The following CCDC102B variants were observed in gnomAD, a reference collection of about 807,000 sequenced individuals.
The protein encoded by CCDC102B is coiled-coil domain containing 102B, also known as coiled-coil domain-containing protein 102B.
CCDC102B carries 75 observed loss-of-function variants against 57.4 expected under a neutral mutation model. That is an observed-to-expected ratio of 1.31 (90% CI 1.08 to 1.58). The LOEUF (loss-of-function observed/expected upper bound fraction) is 1.58, where lower values mean the gene tolerates loss of function less well. CCDC102B is among the 40% of genes most tolerant of loss of function. The probability of loss-of-function intolerance (pLI) is 0.00; values close to 1 mark genes in which losing one functional copy is unlikely to be tolerated. For missense variants in CCDC102B, 636 were observed against 582.6 expected, an observed-to-expected ratio of 1.09 and a Z score of -0.94; for synonymous variants, 206 against 201.9, an observed-to-expected ratio of 1.02 and a Z score of -0.17.
intron 1 of CCDC102B, among the ~76,000 whole-genome samples, chr18:68,817,299 C>CT (rs1218159013): frequency 6.6e-6 from 1 of 152,132 alleles, no homozygotes; most frequent in Non-Finnish European, 1.5e-5. Context: ...ACTTGGGAGT[C>CT]TGAGGAAAGA....
At chr18:68,982,204 T>C (rs1401942613) in intron 6 of CCDC102B, among the ~76,000 whole-genome samples, 4 of 151,834 alleles carry the variant, frequency 2.6e-5, no homozygotes, top group African/African-American at 7.3e-5. Flanking sequence ...TTCAAAACTT[T>C]CAAAAGTTTT....
chr18:68,978,741 G>T (rs186781921), intron 6 of CCDC102B, among the ~76,000 whole-genome samples: 1 of 152,002 alleles, frequency 6.6e-6, no homozygotes, highest in Non-Finnish European at 1.5e-5. Context: ...TGGCAGGAAA[G>T]TCATTATTCA....
At chr18:68,915,029 T>A (rs569384392) in intron 6 of CCDC102B, among the ~76,000 whole-genome samples, 3 of 152,042 alleles carry the variant, frequency 2.0e-5, no homozygotes, top group East Asian at 3.9e-4. Flanking sequence ...GAAACGTGAA[T>A]GAGGGCAGCG....
rs115007719 is a variant in CCDC102B, at chr18:68,943,231, A to G, written c.1263+45803A>G. 7.8e-3 allele frequency among the ~76,000 whole-genome samples: 1,189 copies of G among 152,138 alleles called. 17 individuals are homozygous for G. The highest frequency in any genetic ancestry group is 0.027 in the African/African-American group (1,136 of 41,532). On this transcript the variant is annotated intron_variant, in intron 6 of 7. Transcript: ENST00000360242. ...TAACAGTCTGATCTCTCTTTTCCCC[A>G]CAAAAGAGAGAGATTACTGTTTATT... is the stretch of plus-strand genomic sequence containing the variant.
chr18:68,792,272 T>C (rs1251701391), intron 2 of CCDC102B, among the ~76,000 whole-genome samples: 3 of 152,284 alleles, frequency 2.0e-5, no homozygotes, highest in Admixed American at 2.0e-4. Flanking sequence ...TGTTCTAAAA[T>C]TTTCAGTCTC....
chr18:68,779,882 A>C (rs1201437712), intron 2 of CCDC102B, among the ~76,000 whole-genome samples: 1 of 152,082 alleles, frequency 6.6e-6, no homozygotes, highest in East Asian at 1.9e-4. Context: ...CCACCCATTT[A>C]AAATGTACAG....
chr18:68,774,793 CTTCTA>C (rs2034754273), intron 2 of CCDC102B, among the ~76,000 whole-genome samples: 2 of 151,730 alleles, frequency 1.3e-5, no homozygotes, highest in Non-Finnish European at 2.9e-5. Flanking sequence ...CAAAATTTAA[CTTCTA>C]TTCTTTACTC....
chr18:68,895,293 A>G (rs1017373828), intron 5 of CCDC102B, among the ~76,000 whole-genome samples: 2 of 151,732 alleles, frequency 1.3e-5, no homozygotes, highest in Non-Finnish European at 3.0e-5. Flanking sequence ...TTGGTTTCCT[A>G]CATTTTGGAA....
chr18:68,950,135 G>A (rs941662223), intron 6 of CCDC102B, among the ~76,000 whole-genome samples: 5 of 152,124 alleles, frequency 3.3e-5, no homozygotes, highest in African/African-American at 1.2e-4. Flanking sequence ...TTCAGCAAGA[G>A]TTGAACTTGC....
At chr18:68,846,047 A>G (rs189193945) in intron 3 of CCDC102B, among the ~76,000 whole-genome samples, 1 of 151,826 alleles carries the variant, frequency 6.6e-6, no homozygotes, top group African/African-American at 2.4e-5. Flanking sequence ...CATGAAATAC[A>G]CAGAAGAAAG....
chr18:68,764,210 T>C (rs1416262284), intron 2 of CCDC102B, among the ~76,000 whole-genome samples: 1 of 152,166 alleles, frequency 6.6e-6, no homozygotes, highest in East Asian at 1.9e-4. Flanking sequence ...TTCCGTATAC[T>C]TTTTTCCAAT....
chr18:68,906,590 T>C (rs995566679), intron 6 of CCDC102B, among the ~76,000 whole-genome samples: 1 of 152,236 alleles, frequency 6.6e-6, no homozygotes, highest in African/African-American at 2.4e-5. Context: ...TCCCAATGAC[T>C]AATAATGTTG....
intron 2 of CCDC102B, among the ~76,000 whole-genome samples, chr18:68,765,334 AAAG>A (rs1200401969): frequency 1.9e-5 from 2 of 106,080 alleles, no homozygotes; most frequent in African/African-American, 3.4e-5. Flanking sequence ...GGAAAGAAAG[AAAG>A]AAAGAAAGAA....
intron 2 of CCDC102B, among the ~76,000 whole-genome samples, chr18:68,719,358 G>A (rs2032199979): frequency 6.6e-6 from 1 of 152,166 alleles, no homozygotes; most frequent in African/African-American, 2.4e-5. Context: ...GAACCAGAAA[G>A]CCACTCCAAG....
At chr18:68,914,213 A>G (rs2040982304) in intron 6 of CCDC102B, among the ~76,000 whole-genome samples, 1 of 151,744 alleles carries the variant, frequency 6.6e-6, no homozygotes, top group Non-Finnish European at 1.5e-5. Flanking sequence ...AGAGTTTGAG[A>G]CTCTCCCCAT....
chr18:68,956,516 G>A (rs866381608), intron 6 of CCDC102B, among the ~76,000 whole-genome samples: 396 of 19,088 alleles, frequency 0.021, 46 homozygotes, highest in Middle Eastern at 0.14. Flanking sequence ...TATATATATC[G>A]CATATTATAT....
intron 2 of CCDC102B, among the ~76,000 whole-genome samples, chr18:68,787,749 A>G (rs2035265964): frequency 2.0e-5 from 3 of 150,362 alleles, no homozygotes; most frequent in African/African-American, 7.3e-5. Context: ...CTAGCGGTCT[A>G]TCAATTTTGT....
At chr18:68,749,603 T>C (rs952557065) in intron 2 of CCDC102B, among the ~76,000 whole-genome samples, 3 of 152,186 alleles carry the variant, frequency 2.0e-5, no homozygotes, top group African/African-American at 7.2e-5. Context: ...ATAAGAATGC[T>C]TGTGATTTTT....
chr18:69,011,757 G>A (rs567010192), intron 7 of CCDC102B, among the ~76,000 whole-genome samples: 53 of 151,690 alleles, frequency 3.5e-4, no homozygotes, highest in African/African-American at 1.3e-3. Context: ...ATTCTTTCAG[G>A]TGGTTTTCCA....
Sources: allele counts gnomAD v4.1 joint callset (sites outside exome capture counted in the v4.1 genomes callset), GRCh38; gene constraint gnomAD v4.1.1; transcripts MANE v1.5; gene names NCBI Gene and HGNC (gene_info 2026-07-23, HGNC 2026-07-21).